Variants in PRICKLE1 observed in about 807,000 individuals in gnomAD.
PRICKLE1 encodes prickle-like protein 1.
Under a neutral mutation model 70.2 loss-of-function variants are expected in PRICKLE1, and 14 were observed. That is an observed-to-expected ratio of 0.20 (90% CI 0.13 to 0.31). The LOEUF (loss-of-function observed/expected upper bound fraction) is 0.31. Ranked by LOEUF, PRICKLE1 falls within the 10% of genes least tolerant of loss-of-function variation. The pLI, the probability that PRICKLE1 is intolerant of heterozygous loss-of-function variation, is 1.00. For missense variants in PRICKLE1, 821 were observed against 1,026.2 expected (o/e 0.80, Z 2.73); for synonymous variants, 357 against 379.9 (o/e 0.94, Z 0.70).
At position 42,460,151 on chromosome 12, in the gene PRICKLE1, G is replaced by C; in HGVS notation, c.2154C>G (p.Ala718=). 6.2e-7 allele frequency: 1 copy of C among 1,614,014 alleles called. No individual in the cohort carries two copies. Among genetic ancestry groups the C allele is most frequent in the Non-Finnish European group, 8.5e-7 (1 of 1,180,028 alleles). ...TCTGGATGTATGCTTGGATCTCCCG[G>C]GCACTTTTATTCTGTATAAATTTCT... ...NYEKFIQNKS[A]REIQAYIQNA... The change falls in exon 8 of 8, where the codon GCC becomes GCG. Residue 718 remains alanine, a synonymous_variant. Transcript: ENST00000345127.
chr12:42,513,005 G>T (rs1939542240), intron 1 of PRICKLE1, among the ~76,000 whole-genome samples: 1 of 151,832 alleles, frequency 6.6e-6, no homozygotes, highest in Non-Finnish European at 1.5e-5. Flanking sequence ...CACTCTTGTT[G>T]CCTAGGCTGG....
rs1937718383 is a variant in PRICKLE1 at position 42,459,613 on chromosome 12, C to T, written c.*196G>A. 2.3e-5 allele frequency: 16 copies of T among 706,252 alleles called. No homozygotes were observed. In the South Asian group the frequency reaches 2.8e-4, roughly 13 times the overall value. 43.7% of individuals were successfully genotyped at this position (706,252 alleles called of 1,614,324 possible). A position where few individuals can be genotyped will look rare whatever the true frequency, so the allele number is the denominator to read the frequency against. On this transcript the variant is annotated 3_prime_UTR_variant, in exon 8 of 8. Coordinates refer to ENST00000345127, the MANE Select transcript of PRICKLE1 (RefSeq NM_153026.3). ...CACGAGATGTCACGTCCACCTGGCA[C>T]CATCCAAAGAGGGTAAATTGGAGAA...
At chr12:42,571,158 A>G (rs1446031523) in intron 1 of PRICKLE1, among the ~76,000 whole-genome samples, 1 of 152,194 alleles carries the variant, frequency 6.6e-6, no homozygotes, top group Admixed American at 6.5e-5. Flanking sequence ...ACTGAGAAAC[A>G]GAGACTAAAA....
intron 1 of PRICKLE1, among the ~76,000 whole-genome samples, chr12:42,560,029 A>G (rs1940481718): frequency 6.6e-6 from 1 of 151,636 alleles, no homozygotes; most frequent in Non-Finnish European, 1.5e-5. Flanking sequence ...AAGGAAAAGA[A>G]CAGGAACCAG....
Position 42,466,291 on chromosome 12 carries a change from T to C in PRICKLE1, c.678A>G (p.Gly226=). The C allele has an allele frequency of 6.2e-7, 1 of 1,614,166 alleles. No homozygotes were observed. The highest frequency in any genetic ancestry group is 8.5e-7 in the Non-Finnish European group (1 of 1,180,042). ...FCCLECETVL[G]GQRYIMKDGR... ...CGTCCTTCATGATATACCTCTGTCC[T>C]CCCAGGACCGTTTCACACTCAAGGC... Residue 226 remains glycine, a synonymous_variant, in exon 6 of 8, where the codon GGA becomes GGG. Transcript: ENST00000345127.
At chr12:42,494,955 C>CTAGAGT (rs1199500263) in intron 1 of PRICKLE1, among the ~76,000 whole-genome samples, 1 of 148,240 alleles carries the variant, frequency 6.7e-6, no homozygotes, top group Non-Finnish European at 1.5e-5. Context: ...AGTGCAGTAG[C>CTAGAGT]GCCACCATAA....
chr12:42,470,017 G>A, intron 3 of PRICKLE1: 1 of 532,120 alleles, frequency 1.9e-6, no homozygotes, highest in Non-Finnish European at 3.4e-6. Flanking sequence ...TCATTGGTGG[G>A]TGGCTGCAAA....
In PRICKLE1 at chr12:42,459,738, A is replaced by C; in HGVS notation, c.*71T>G. 1.3e-6 allele frequency: 2 copies of C among 1,575,590 alleles called. No homozygotes were observed. Among genetic ancestry groups the C allele is most frequent in the South Asian group, 2.2e-5 (2 of 89,592 alleles). Reference sequence around the variant, plus strand: ...TTTAAACTATTTTCACAACTTTCCTACGGAAGAAAAGGAAACGATTCAGAC... The same window carrying C: ...TTTAAACTATTTTCACAACTTTCCTCCGGAAGAAAAGGAAACGATTCAGAC... On this transcript the variant is annotated 3_prime_UTR_variant, in exon 8 of 8. Coordinates refer to ENST00000345127, the MANE Select transcript of PRICKLE1 (RefSeq NM_153026.3).
intron 1 of PRICKLE1, among the ~76,000 whole-genome samples, chr12:42,588,772 T>C (rs1240503629): frequency 3.3e-5 from 5 of 152,148 alleles, no homozygotes; most frequent in African/African-American, 7.2e-5. Context: ...GCACTGCCAA[T>C]AGTCACTGGC....
At chr12:42,508,203 C>T (rs1423249573) in intron 1 of PRICKLE1, among the ~76,000 whole-genome samples, 1 of 152,062 alleles carries the variant, frequency 6.6e-6, no homozygotes, top group East Asian at 1.9e-4. Context: ...GAAATGTTGG[C>T]CTTAGACTAA....
intron 1 of PRICKLE1, among the ~76,000 whole-genome samples, chr12:42,575,961 T>C (rs1436249964): frequency 6.6e-6 from 1 of 152,214 alleles, no homozygotes; most frequent in African/African-American, 2.4e-5. Flanking sequence ...ATTTCTCTAT[T>C]CCTGCCTTTA....
At chr12:42,476,148 C>T (rs2140135427) in intron 1 of PRICKLE1, among the ~76,000 whole-genome samples, 1 of 149,266 alleles carries the variant, frequency 6.7e-6, no homozygotes, top group East Asian at 2.0e-4. Flanking sequence ...CCAGGCTGTG[C>T]TAAGAGTTGC....
intron 1 of PRICKLE1, among the ~76,000 whole-genome samples, chr12:42,495,298 A>G (rs1344355846): frequency 6.7e-6 from 1 of 150,078 alleles, no homozygotes; most frequent in Admixed American, 6.6e-5. Flanking sequence ...AGGCAGGAGG[A>G]TCACTTGAGC....
At chr12:42,463,439 G>A (rs1359877109) in intron 7 of PRICKLE1, among the ~76,000 whole-genome samples, 4 of 152,110 alleles carry the variant, frequency 2.6e-5, no homozygotes, top group African/African-American at 9.7e-5. Flanking sequence ...TGAGCTTGTG[G>A]CCAGGCGTGG....
intron 1 of PRICKLE1, among the ~76,000 whole-genome samples, chr12:42,588,773 A>G (rs1392252887): frequency 6.6e-6 from 1 of 152,166 alleles, no homozygotes; most frequent in Non-Finnish European, 1.5e-5. Context: ...CACTGCCAAT[A>G]GTCACTGGCG....
intron 1 of PRICKLE1, among the ~76,000 whole-genome samples, chr12:42,498,349 T>C (rs895671166): frequency 6.6e-6 from 1 of 151,830 alleles, no homozygotes; most frequent in Non-Finnish European, 1.5e-5. Context: ...ATTTTTTGTA[T>C]TTTTAGTGGA....
chr12:42,492,717 G>A (rs1379527791), intron 1 of PRICKLE1, among the ~76,000 whole-genome samples: 1 of 152,218 alleles, frequency 6.6e-6, no homozygotes, highest in Non-Finnish European at 1.5e-5. Flanking sequence ...GTAAGTAACT[G>A]TCTTTTGATC....
intron 1 of PRICKLE1, among the ~76,000 whole-genome samples, chr12:42,535,426 T>C (rs1940000370): frequency 6.6e-6 from 1 of 152,208 alleles, no homozygotes; most frequent in Non-Finnish European, 1.5e-5. Flanking sequence ...AGAACAGACC[T>C]GGTGTGGATC....
At chr12:42,482,429 A>G (rs1938826781) in intron 1 of PRICKLE1, among the ~76,000 whole-genome samples, 1 of 152,214 alleles carries the variant, frequency 6.6e-6, no homozygotes, top group Admixed American at 6.5e-5. Flanking sequence ...GGGGATGCAG[A>G]TATTTTCTCA....
Sources: allele counts gnomAD v4.1 joint callset (sites outside exome capture counted in the v4.1 genomes callset), GRCh38; gene constraint gnomAD v4.1.1; transcripts MANE v1.5; gene names NCBI Gene and HGNC (gene_info 2026-07-23, HGNC 2026-07-21).